Variants in NEDD4L observed in about 807,000 individuals in gnomAD.
The protein encoded by NEDD4L is E3 ubiquitin-protein ligase NEDD4-like.
A neutral mutation model predicts 148.9 loss-of-function variants in NEDD4L; 54 were observed. That is an observed-to-expected ratio of 0.36 (90% confidence interval 0.29 to 0.45). The LOEUF is 0.45. NEDD4L is among the 20% of genes least tolerant of loss of function. The pLI, the probability that NEDD4L is intolerant of heterozygous loss-of-function variation, is 1.00. For missense variants in NEDD4L, 856 were observed against 1,233.8 expected (o/e 0.69, Z 4.59); for synonymous variants, 433 against 440.7 (o/e 0.98, Z 0.22).
intron 2 of NEDD4L, among the ~76,000 whole-genome samples, chr18:58,242,125 C>T (rs1431231298): frequency 6.6e-6 from 1 of 152,170 alleles, no homozygotes; most frequent in Non-Finnish European, 1.5e-5. Flanking sequence ...GAATACGTAG[C>T]ATGCTGCAGT....
intron 1 of NEDD4L, among the ~76,000 whole-genome samples, chr18:58,126,282 C>T (rs2031075569): frequency 1.3e-5 from 2 of 152,230 alleles, no homozygotes; most frequent in Admixed American, 1.3e-4. Context: ...TATCCTTTAG[C>T]TATGACTTTG....
chr18:58,109,043 C>A (rs1283117005), intron 1 of NEDD4L, among the ~76,000 whole-genome samples: 1 of 152,152 alleles, frequency 6.6e-6, no homozygotes, highest in Non-Finnish European at 1.5e-5. Flanking sequence ...TAAGGGACTT[C>A]TTAAAATATT....
chr18:58,069,319 A>G (rs2082757711), intron 1 of NEDD4L, among the ~76,000 whole-genome samples: 1 of 152,322 alleles, frequency 6.6e-6, no homozygotes, highest in African/African-American at 2.4e-5. Context: ...CTCTGCAAGT[A>G]GCTGAGCTCC....
intron 1 of NEDD4L, among the ~76,000 whole-genome samples, chr18:58,072,681 C>T (rs989117597): frequency 1.3e-5 from 2 of 152,160 alleles, no homozygotes; most frequent in African/African-American, 2.4e-5. Context: ...CAAGGATAGT[C>T]ATTCTCACCA....
chr18:58,318,563 A>G (rs920061920), intron 6 of NEDD4L, among the ~76,000 whole-genome samples: 3 of 152,252 alleles, frequency 2.0e-5, no homozygotes, highest in African/African-American at 7.2e-5. Flanking sequence ...TTTTGCTTTT[A>G]CATTCAGAGA....
At chr18:58,356,345 A>T in intron 18 of NEDD4L, among the ~76,000 whole-genome samples, 1 of 139,314 alleles carries the variant, frequency 7.2e-6, no homozygotes, top group African/African-American at 2.7e-5. Flanking sequence ...TGGAGAACCT[A>T]CTCTCCCTAG....
intron 2 of NEDD4L, among the ~76,000 whole-genome samples, chr18:58,242,785 C>T (rs1218247281): frequency 3.3e-5 from 5 of 152,194 alleles, no homozygotes; most frequent in South Asian, 2.1e-4. Flanking sequence ...GGACTACAGG[C>T]GTGAGCCACT....
At chr18:58,300,444 C>T (rs182619843) in intron 5 of NEDD4L, among the ~76,000 whole-genome samples, 62 of 152,320 alleles carry the variant, frequency 4.1e-4, no homozygotes, top group African/African-American at 1.3e-3. Flanking sequence ...TCCCAAACAC[C>T]TCTCAGTGTT....
intron 13 of NEDD4L, among the ~76,000 whole-genome samples, chr18:58,340,350 CTG>C (rs1299712637): frequency 2.0e-5 from 3 of 152,214 alleles, no homozygotes; most frequent in Non-Finnish European, 2.9e-5. Flanking sequence ...AACTGCCAAG[CTG>C]TGTTCACCTT....
At chr18:58,199,409 G>T (rs1158549037) in intron 2 of NEDD4L, among the ~76,000 whole-genome samples, 1 of 152,008 alleles carries the variant, frequency 6.6e-6, no homozygotes. Context: ...AGGCCTGGGT[G>T]CTGCTCCACT....
At chr18:58,196,751 G>A (rs1453419932) in intron 2 of NEDD4L, among the ~76,000 whole-genome samples, 1 of 134,228 alleles carries the variant, frequency 7.5e-6, no homozygotes, top group East Asian at 2.3e-4. Flanking sequence ...ATCAGCCACA[G>A]GTAATACTCT....
At chr18:58,359,594 T>C (rs2045203984) in intron 19 of NEDD4L, among the ~76,000 whole-genome samples, 1 of 152,266 alleles carries the variant, frequency 6.6e-6, no homozygotes, top group Admixed American at 6.5e-5. Context: ...TTACCAAATG[T>C]AGACAAATTT....
chr18:58,092,375 A>T (rs1464655142), intron 1 of NEDD4L, among the ~76,000 whole-genome samples: 1 of 152,132 alleles, frequency 6.6e-6, no homozygotes, highest in Non-Finnish European at 1.5e-5. Context: ...AAGGCAGGAA[A>T]GATTGCCCAG....
chr18:58,178,780 T>C (rs924693602), intron 2 of NEDD4L, among the ~76,000 whole-genome samples: 3 of 152,224 alleles, frequency 2.0e-5, no homozygotes, highest in African/African-American at 4.8e-5. Context: ...TTTTTATCCG[T>C]CATTGTTATA....
intron 5 of NEDD4L, chr18:58,255,299 T>A: frequency 5.2e-6 from 1 of 192,096 alleles, no homozygotes; most frequent in Non-Finnish European, 1.0e-5. Flanking sequence ...AGGTGCTGTT[T>A]CAGGCTCTTG....
At chr18:58,281,137 C>T (rs2053004453) in intron 5 of NEDD4L, among the ~76,000 whole-genome samples, 1 of 151,780 alleles carries the variant, frequency 6.6e-6, no homozygotes, top group Admixed American at 6.6e-5. Context: ...ACCACCATAC[C>T]CAGCTAATCT....
At chr18:58,336,252 A>G (rs1010818225) in intron 13 of NEDD4L, among the ~76,000 whole-genome samples, 2 of 152,158 alleles carry the variant, frequency 1.3e-5, no homozygotes, top group African/African-American at 4.8e-5. Context: ...AGGCTAGCTT[A>G]TAGTTTATGC....
At chr18:58,333,031 CTT>C (rs1446391285) in intron 11 of NEDD4L, among the ~76,000 whole-genome samples, 1 of 152,060 alleles carries the variant, frequency 6.6e-6, no homozygotes, top group Non-Finnish European at 1.5e-5. Flanking sequence ...AATCCCAGTA[CTT>C]TGGGAGGCCG....
intron 1 of NEDD4L, among the ~76,000 whole-genome samples, chr18:58,116,207 C>T (rs1161901835): frequency 1.3e-5 from 2 of 152,184 alleles, no homozygotes; most frequent in Non-Finnish European, 1.5e-5. Context: ...CTCAGAATTG[C>T]GTTTCTTACT....
Sources: allele counts gnomAD v4.1 joint callset (sites outside exome capture counted in the v4.1 genomes callset), GRCh38; gene constraint gnomAD v4.1.1; transcripts MANE v1.5; gene names NCBI Gene and HGNC (gene_info 2026-07-23, HGNC 2026-07-21).